PLA2R1: variants seen among roughly 807,000 people sequenced by gnomAD.
PLA2R1 encodes the protein secretory phospholipase A2 receptor.
A neutral mutation model predicts 195.9 loss-of-function variants in PLA2R1; 158 were observed. That is an observed-to-expected ratio of 0.81 (90% CI 0.71 to 0.92). The LOEUF is 0.92. PLA2R1 is among the 40% of genes least tolerant of loss of function. The probability of loss-of-function intolerance (pLI) is 0.00; values close to 1 mark genes in which losing one functional copy is unlikely to be tolerated. For missense variants in PLA2R1, 1,626 were observed against 1,764.6 expected (o/e 0.92, Z 1.41); for synonymous variants, 586 against 598.2 (o/e 0.98, Z 0.30).
chr2:160,049,434 A>C (rs1695085626), intron 1 of PLA2R1, among the ~76,000 whole-genome samples: 1 of 152,220 alleles, frequency 6.6e-6, no homozygotes, highest in African/African-American at 2.4e-5. Context: ...AAGATGCTAG[A>C]GATAGAGAGA....
At chr2:160,044,181 A>G (rs1324797043) in intron 2 of PLA2R1, among the ~76,000 whole-genome samples, 1 of 152,118 alleles carries the variant, frequency 6.6e-6, no homozygotes, top group Admixed American at 6.6e-5. Context: ...AAATAACCAT[A>G]GAAAATGAAA....
At chr2:159,924,548 C>G in the PLA2R1 span, among the ~76,000 whole-genome samples, 1 of 152,086 alleles carries the variant, frequency 6.6e-6, no homozygotes, top group Non-Finnish European at 1.5e-5. Context: ...TGTCAAATAT[C>G]AAGTACGATA....
intron 27 of PLA2R1, 31 bp from the exon 28 acceptor site, chr2:159,945,113 T>C: frequency 2.6e-6 from 4 of 1,532,562 alleles, no homozygotes; most frequent in Non-Finnish European, 3.6e-6. Context: ...CATTATGAAT[T>C]ATGTGCATGG....
chr2:159,944,046 G>A (rs1323900142), intron 28 of PLA2R1, among the ~76,000 whole-genome samples: 1 of 152,116 alleles, frequency 6.6e-6, no homozygotes, highest in Non-Finnish European at 1.5e-5. Context: ...AGAGCACATA[G>A]GGGGTCTGTC....
At chr2:159,944,185 TG>T (rs562203940) in intron 28 of PLA2R1, among the ~76,000 whole-genome samples, 41 of 152,200 alleles carry the variant, frequency 2.7e-4, no homozygotes, top group Non-Finnish European at 5.0e-4. Context: ...TCTTAGTTGC[TG>T]CCTTTAATCA....
intron 8 of PLA2R1, among the ~76,000 whole-genome samples, chr2:160,017,129 GT>G (rs1692822407): frequency 6.6e-6 from 1 of 152,174 alleles, no homozygotes. Context: ...TGATACCAAG[GT>G]CAGCCTGGCT....
chr2:160,029,383 G>A (rs1693716956), intron 4 of PLA2R1, among the ~76,000 whole-genome samples: 1 of 152,090 alleles, frequency 6.6e-6, no homozygotes, highest in South Asian at 2.1e-4. Flanking sequence ...GTAGATCAGG[G>A]AGGGGTGTAC....
chr2:159,991,459 T>C (rs539863522), intron 11 of PLA2R1, among the ~76,000 whole-genome samples: 2 of 148,532 alleles, frequency 1.3e-5, no homozygotes, highest in African/African-American at 4.9e-5. Context: ...TTTTTTTAAG[T>C]TTTTCTTTCT....
chr2:159,962,627 A>C (rs1343670146), intron 20 of PLA2R1, among the ~76,000 whole-genome samples: 1 of 152,210 alleles, frequency 6.6e-6, no homozygotes, highest in Non-Finnish European at 1.5e-5. Context: ...AAGACTTGGA[A>C]CCAACCCAAA....
In PLA2R1 at chr2:159,987,310, C is replaced by G. The variant is rs768761126; in HGVS notation, c.1883G>C (p.Arg628Pro). The G allele has an allele frequency of 6.2e-7, 1 of 1,612,468 alleles. No homozygotes were observed. Among genetic ancestry groups the G allele is most frequent in the Non-Finnish European group, 8.5e-7 (1 of 1,179,900 alleles). ...GTGCCGACAGTGCTTCACTTCCCAG[C>G]GACCAAGTGGATGCCTTCCTCGCAT... is the stretch of plus-strand genomic sequence containing the variant. ...VAMRGRHPLG[R>P]WEVKHCRHFK... The change falls in exon 12 of 30, where the codon CGC becomes CCC. Residue 628 changes from arginine to proline, a missense_variant. By Grantham distance (103) the Arg-to-Pro change is moderately radical (BLOSUM62 -2). Coordinates refer to ENST00000283243, the MANE Select transcript of PLA2R1 (RefSeq NM_007366.5).
intron 1 of PLA2R1, among the ~76,000 whole-genome samples, chr2:160,053,906 C>T (rs1573986168): frequency 6.6e-6 from 1 of 152,236 alleles, no homozygotes; most frequent in African/African-American, 2.4e-5. Flanking sequence ...TTATGAATCC[C>T]AAGACCCCAA....
chr2:160,027,169 T>C (rs1246406875), intron 6 of PLA2R1, among the ~76,000 whole-genome samples: 1 of 152,050 alleles, frequency 6.6e-6, no homozygotes, highest in Non-Finnish European at 1.5e-5. Flanking sequence ...GCAAAGCAAA[T>C]AATCCAAACA....
At chr2:159,994,750 T>C (rs184740913) in intron 11 of PLA2R1, among the ~76,000 whole-genome samples, 1 of 151,976 alleles carries the variant, frequency 6.6e-6, no homozygotes, top group African/African-American at 2.4e-5. Context: ...GTAGATACCA[T>C]CTGGTGGTAA....
the PLA2R1 span, among the ~76,000 whole-genome samples, chr2:159,925,409 T>C: frequency 6.6e-6 from 1 of 152,202 alleles, no homozygotes; most frequent in Non-Finnish European, 1.5e-5. Flanking sequence ...TGGGCTCTTA[T>C]GTATAAATAA....
intron 10 of PLA2R1, among the ~76,000 whole-genome samples, chr2:160,010,098 A>C (rs1573886530): frequency 1.3e-5 from 2 of 152,216 alleles, no homozygotes; most frequent in South Asian, 4.1e-4. Context: ...CAACAGAGTA[A>C]GACACTGTCT....
intron 20 of PLA2R1, among the ~76,000 whole-genome samples, chr2:159,960,114 C>T (rs1230849491): frequency 1.3e-5 from 2 of 152,176 alleles, no homozygotes; most frequent in Non-Finnish European, 2.9e-5. Context: ...TCTTTTGTCT[C>T]ACCTTTGGCC....
Position 159,983,985 on chromosome 2 carries a change from A to G in PLA2R1, c.2126T>C (p.Phe709Ser), listed in dbSNP as rs1358276822. Reference sequence around the variant, plus strand: ...AAAATTCTCTTCCTCAATATGGGCAAAGCTTGCAAGATGAGCTCCAAATTC... The same window carrying G: ...AAAATTCTCTTCCTCAATATGGGCAGAGCTTGCAAGATGAGCTCCAAATTC... ...CEEFGAHLAS[F>S]AHIEEENFVN... The change falls in exon 13 of 30, where the codon TTT becomes TCT. Residue 709 changes from phenylalanine to serine, a missense_variant. Physicochemically the swap from Phe to Ser is radical, Grantham distance 155. Transcript: ENST00000283243. The G allele has an allele frequency of 2.5e-6, 4 of 1,601,132 alleles. No homozygotes were observed. Among genetic ancestry groups the G allele is most frequent in the Non-Finnish European group, 3.4e-6 (4 of 1,168,870 alleles).
downstream of PLA2R1, among the ~76,000 whole-genome samples, chr2:159,929,907 AAAGG>A (rs1686548829): frequency 6.6e-6 from 1 of 152,062 alleles, no homozygotes; most frequent in South Asian, 2.1e-4. Context: ...TCAGCCATAA[AAAGG>A]AATGAAATAA....
intron 1 of PLA2R1, among the ~76,000 whole-genome samples, chr2:160,054,014 T>A (rs950724429): frequency 6.6e-6 from 1 of 152,270 alleles, no homozygotes; most frequent in African/African-American, 2.4e-5. Context: ...TCTCCTTGTT[T>A]GCATTTGAAC....
Sources: allele counts gnomAD v4.1 joint callset (sites outside exome capture counted in the v4.1 genomes callset), GRCh38; gene constraint gnomAD v4.1.1; transcripts MANE v1.5; gene names NCBI Gene and HGNC (gene_info 2026-07-23, HGNC 2026-07-21).